The following CBFA2T3 variants were observed in gnomAD, a reference collection of about 807,000 sequenced individuals.
CBFA2T3 encodes the protein transcriptional corepressor CBFA2T3.
CBFA2T3 carries 31 observed loss-of-function variants against 58.6 expected under a neutral mutation model. That is an observed-to-expected ratio of 0.53 (90% CI 0.40 to 0.71). The LOEUF is 0.71. Among genes scored for constraint, CBFA2T3 ranks in the 30% least tolerant of loss-of-function variants. The probability of loss-of-function intolerance (pLI) is 0.00; values close to 1 mark genes in which losing one functional copy is unlikely to be tolerated. For missense variants in CBFA2T3, 1,076 were observed against 963.1 expected, an observed-to-expected ratio of 1.12 and a Z score of -1.55; for synonymous variants, 531 against 421.9, an observed-to-expected ratio of 1.26 and a Z score of -3.17.
Position 88,891,803 on chromosome 16 carries a change from C to T in CBFA2T3, c.711+79G>A, listed in dbSNP as rs994939218. The stretch of plus-strand genomic sequence containing the variant: ...TAAGCCCCTTCCCGCCTGTCCACCG[C>T]TGTCCACGCTGGCAAGGAGTGGGAT... On this transcript the variant is annotated intron_variant, in intron 5 of 11. Coordinates refer to ENST00000268679, the MANE Select transcript of CBFA2T3 (RefSeq NM_005187.6). 2.4e-5 allele frequency: 24 copies of T among 991,262 alleles called. No homozygotes were observed. In the East Asian group the frequency reaches 5.8e-4, roughly 24 times the overall value. The allele number at this position is 991,262 out of a possible 1,614,324, so 61.4% of individuals were successfully genotyped here.
At position 88,877,281 on chromosome 16, in the gene CBFA2T3, T is replaced by G. The variant is rs745384105; in HGVS notation, c.1663-6A>C. The stretch of plus-strand genomic sequence containing the variant: ...CGCCCGCAGTTCCAGCAGCTCTGGG[T>G]GGGGGCAGAGGGGCCAGTCAGGGCT... On this transcript the variant is annotated splice_polypyrimidine_tract_variant and splice_region_variant and intron_variant, in intron 11 of 11. Transcript: ENST00000268679. 1.3e-6 allele frequency: 2 copies of G among 1,542,734 alleles called. No individual in the cohort carries two copies. The highest frequency in any genetic ancestry group is 2.4e-5 in the South Asian group (2 of 83,484).
chr16:88,920,449 T>TC (rs1970875033), intron 1 of CBFA2T3, among the ~76,000 whole-genome samples: 1 of 108,280 alleles, frequency 9.2e-6, no homozygotes, highest in African/African-American at 2.8e-5. Flanking sequence ...GCCAATTTTT[T>TC]TTTTTTTTTT....
At chr16:88,884,757 C>T in intron 7 of CBFA2T3, 1 of 360,962 alleles carries the variant, frequency 2.8e-6, no homozygotes, top group Non-Finnish European at 5.1e-6. Context: ...ACGTGACTCA[C>T]CTGTGGGTGG....
rs764366886 is a variant in CBFA2T3, at chr16:88,881,390, C to G, written c.1303G>C (p.Ala435Pro). Residue 435 changes from alanine to proline, a missense_variant, in exon 9 of 12, where the codon GCG (alanine) becomes CCG (proline). Transcript: ENST00000268679. ...EADREELNHW[A>P]RRYSDAEDTK... is the part of the protein sequence containing the mutation. ...TCCTCGGCGTCGCTGTAGCGCCGCG[C>G]CCAGTGGTTGAGCTCCTCGCGGTCG... 7 of 1,601,956 alleles carry G rather than the reference C, an allele frequency of 4.4e-6. No individual in the cohort carries two copies. The highest frequency in any genetic ancestry group is 6.0e-6 in the Non-Finnish European group (7 of 1,175,750).
chr16:88,937,806 T>C (rs1413759694), intron 1 of CBFA2T3: 1 of 152,294 alleles, frequency 6.6e-6, no homozygotes, highest in Non-Finnish European at 1.5e-5. Flanking sequence ...CAGGCACTTT[T>C]TGTCCTGTAA....
intron 1 of CBFA2T3, among the ~76,000 whole-genome samples, chr16:88,923,623 A>C (rs1322105566): frequency 3.3e-5 from 5 of 152,256 alleles, no homozygotes; most frequent in Non-Finnish European, 7.3e-5. Flanking sequence ...GGCTCTGCAC[A>C]GCCCAGTCCT....
At chr16:88,882,082 C>G (rs952082342) in intron 8 of CBFA2T3, among the ~76,000 whole-genome samples, 2 of 152,212 alleles carry the variant, frequency 1.3e-5, no homozygotes, top group Non-Finnish European at 2.9e-5. Flanking sequence ...TTTTAGGAAT[C>G]CTCCTCCCTG....
At chr16:88,910,512 G>T (rs576936180) in intron 1 of CBFA2T3, among the ~76,000 whole-genome samples, 6 of 152,362 alleles carry the variant, frequency 3.9e-5, no homozygotes, top group Non-Finnish European at 8.8e-5. Context: ...ACTGAGGACC[G>T]GACACTCCCA....
chr16:88,901,987 G>A (rs964953577), intron 1 of CBFA2T3, among the ~76,000 whole-genome samples: 6 of 152,298 alleles, frequency 3.9e-5, no homozygotes, highest in Admixed American at 3.9e-4. Flanking sequence ...CCGAGGCAGC[G>A]GTGCCTTGCT....
chr16:88,929,616 A>G (rs1349030336), intron 1 of CBFA2T3, among the ~76,000 whole-genome samples: 1 of 152,056 alleles, frequency 6.6e-6, no homozygotes, highest in African/African-American at 2.4e-5. Context: ...CAATACCCAC[A>G]TCTGCATCAT....
At chr16:88,976,602 G>T in intron 1 of CBFA2T3, 55 bp downstream of exon 1, 4 of 1,363,906 alleles carry the variant, frequency 2.9e-6, no homozygotes. Flanking sequence ...CACAGCCCCG[G>T]CACCGGCTGC....
intron 1 of CBFA2T3, among the ~76,000 whole-genome samples, chr16:88,915,952 G>A (rs1567605618): frequency 1.3e-5 from 2 of 152,122 alleles, no homozygotes; most frequent in Admixed American, 6.5e-5. Context: ...GCATGCATGA[G>A]TGTACGTGGG....
At chr16:88,927,098 T>C (rs1266288121) in intron 1 of CBFA2T3, among the ~76,000 whole-genome samples, 1 of 152,152 alleles carries the variant, frequency 6.6e-6, no homozygotes, top group Non-Finnish European at 1.5e-5. Flanking sequence ...TCATCGCTGC[T>C]CCCTTCCTTC....
chr16:88,911,762 C>G (rs1335992126), intron 1 of CBFA2T3, among the ~76,000 whole-genome samples: 1 of 152,262 alleles, frequency 6.6e-6, no homozygotes, highest in Admixed American at 6.5e-5. Context: ...CCGCGTGGAG[C>G]TGGTGCAGGT....
At chr16:88,942,796 A>G (rs1241140176) in intron 1 of CBFA2T3, among the ~76,000 whole-genome samples, 1 of 152,196 alleles carries the variant, frequency 6.6e-6, no homozygotes, top group African/African-American at 2.4e-5. Context: ...ACTGTGCGTA[A>G]CATGGTGCTT....
chr16:88,885,346 G>T lies in CBFA2T3; in HGVS notation c.894-77C>A. On this transcript the variant is annotated intron_variant, in intron 6 of 11. Coordinates refer to ENST00000268679, the MANE Select transcript of CBFA2T3 (RefSeq NM_005187.6). This position sits in a 1 kb window ranked among gnomAD's most constrained non-coding sequence, Gnocchi z 5.3. ...GACAGAGGTGCAGGTGGGGTGAGAGGCAGACAGGCAAGGGCAGAGAGAAAG... is the reference window on the plus strand; with the variant it reads ...GACAGAGGTGCAGGTGGGGTGAGAGTCAGACAGGCAAGGGCAGAGAGAAAG... 2 of 997,228 alleles carry T rather than the reference G, an allele frequency of 2.0e-6. No homozygotes were observed. The highest frequency in any genetic ancestry group is 2.8e-6 in the Non-Finnish European group (2 of 704,084). The allele number at this position is 997,228 out of a possible 1,614,324, so 61.8% of individuals were successfully genotyped here.
At chr16:88,901,958 C>T (rs1970115885) in intron 1 of CBFA2T3, among the ~76,000 whole-genome samples, 1 of 152,222 alleles carries the variant, frequency 6.6e-6, no homozygotes, top group African/African-American at 2.4e-5. Flanking sequence ...CTTCTACAGA[C>T]CAGGGAGTGG....
chr16:88,876,451 G>A lies in CBFA2T3; in HGVS notation c.*525C>T, dbSNP rs149581413. 4.2e-4 allele frequency: 97 copies of A among 231,636 alleles called. No individual in the cohort carries two copies. The East Asian group carries it at 5.8e-3, about 14-fold the overall frequency. 14.3% of individuals were successfully genotyped at this position (231,636 alleles called of 1,614,324 possible). A position where few individuals can be genotyped will look rare whatever the true frequency, so the allele number is the denominator to read the frequency against. On this transcript the variant is annotated 3_prime_UTR_variant, in exon 12 of 12. Coordinates refer to ENST00000268679, the MANE Select transcript of CBFA2T3 (RefSeq NM_005187.6). The stretch of plus-strand genomic sequence containing the variant: ...TTCTTTCTCCCTTTTTAATCAGGAG[G>A]GGGAGAACCCCCCCGTTTTCTTTGT...
chr16:88,893,527 G>A (rs992716397), intron 3 of CBFA2T3, among the ~76,000 whole-genome samples: 1 of 152,230 alleles, frequency 6.6e-6, no homozygotes, highest in Non-Finnish European at 1.5e-5. Flanking sequence ...GGGCAGAGGA[G>A]CTGGGACACC....
Sources: gnomAD v4.1 joint callset for allele counts (sites outside exome capture counted in the v4.1 genomes callset) on GRCh38, gnomAD v4.1.1 for gene constraint, Gnocchi (gnomAD v3.1) non-coding constraint, MANE v1.5 for transcripts, NCBI Gene and HGNC (gene_info 2026-07-23, HGNC 2026-07-21) for gene names.